The following DNAH14 variants were observed in gnomAD, a reference collection of about 807,000 sequenced individuals.
The protein encoded by DNAH14 is axonemal beta dynein heavy chain 14.
DNAH14 carries 478 observed loss-of-function variants against 520.9 expected under a neutral mutation model. The ratio of observed to expected loss-of-function variants is 0.92; its 90% CI spans 0.85 to 0.99. The LOEUF is 0.99. DNAH14 is among the 50% of genes least tolerant of loss of function. DNAH14 has a pLI of 0.00. For missense variants in DNAH14, 4,831 were observed against 5,234.5 expected (o/e 0.92, Z 2.38); for synonymous variants, 1,581 against 1,757.2 (o/e 0.90, Z 2.51).
intron 79 of DNAH14, 118 bp from the exon 80 acceptor site, chr1:225,380,041 T>C: frequency 9.4e-7 from 1 of 1,062,832 alleles, no homozygotes; most frequent in Non-Finnish European, 1.3e-6. Context: ...CCTACAGTGG[T>C]ATAGAACACT....
At chr1:224,997,691 G>T (rs2063486331) in intron 8 of DNAH14, among the ~76,000 whole-genome samples, 1 of 151,530 alleles carries the variant, frequency 6.6e-6, no homozygotes, top group African/African-American at 2.4e-5. Flanking sequence ...CCTGGAGATT[G>T]CTTCTTTGGA....
At chr1:225,348,394 A>G (rs2095317795) in intron 71 of DNAH14, among the ~76,000 whole-genome samples, 1 of 152,176 alleles carries the variant, frequency 6.6e-6, no homozygotes, top group Non-Finnish European at 1.5e-5. Context: ...CTCCACTAGG[A>G]TAAATCCAAA....
chr1:225,211,910 AT>A (rs1242095119), intron 41 of DNAH14, among the ~76,000 whole-genome samples: 1 of 148,774 alleles, frequency 6.7e-6, no homozygotes, highest in East Asian at 2.0e-4. Flanking sequence ...TTATTTATTT[AT>A]TTATTTTTAT....
chr1:224,933,898 GT>G (rs1388190243), intron 1 of DNAH14, among the ~76,000 whole-genome samples: 2 of 151,606 alleles, frequency 1.3e-5, no homozygotes, highest in African/African-American at 4.8e-5. Context: ...TTTTGTTGTT[GT>G]TGTGTTCTTG....
chr1:225,051,590 C>G lies in DNAH14; in HGVS notation c.2219C>G (p.Ser740Ter). 6.4e-7 allele frequency: 1 copy of G among 1,550,684 alleles called. No homozygotes were observed. Among genetic ancestry groups the G allele is most frequent in the Non-Finnish European group, 8.7e-7 (1 of 1,146,498 alleles). Residue 740 changes from serine to a stop codon, truncating the protein, a stop_gained, in exon 17 of 86, where the codon TCA (serine) becomes TGA (stop). Transcript: ENST00000682510. LOFTEE classifies it high-confidence loss of function. Reference protein sequence around the residue: ...MKISSMGELTSKEFEAILNRF... With the variant: ...MKISSMGELT ...ATATCATCTATGGGAGAATTAACTTCAAAAGAATTTGAAGCTATTCTAAAT... is the reference window on the plus strand; with the variant it reads ...ATATCATCTATGGGAGAATTAACTTGAAAAGAATTTGAAGCTATTCTAAAT...
chr1:225,335,857 A>G (rs1373089177), intron 66 of DNAH14, among the ~76,000 whole-genome samples: 1 of 75,908 alleles, frequency 1.3e-5, no homozygotes, highest in East Asian at 5.0e-4. Context: ...ACATATGTAC[A>G]TATATGTACA....
At chr1:225,183,049 G>A (rs921155205) in intron 36 of DNAH14, among the ~76,000 whole-genome samples, 1 of 147,316 alleles carries the variant, frequency 6.8e-6, no homozygotes, top group Admixed American at 6.8e-5. Context: ...AGGCAGTGCG[G>A]TGTGAAGAGA....
At chr1:225,387,914 G>T (rs1191758389) in intron 81 of DNAH14, among the ~76,000 whole-genome samples, 1 of 152,120 alleles carries the variant, frequency 6.6e-6, no homozygotes, top group Non-Finnish European at 1.5e-5. Flanking sequence ...CAGGGCTGGA[G>T]AATGGAAAGC....
chr1:225,304,154 T>A (rs2094194890), intron 57 of DNAH14, among the ~76,000 whole-genome samples: 1 of 152,212 alleles, frequency 6.6e-6, no homozygotes, highest in South Asian at 2.1e-4. Context: ...GCAGTCTGGT[T>A]TTGCTCATCT....
chr1:224,936,710 C>T (rs912500324), intron 1 of DNAH14, among the ~76,000 whole-genome samples: 9 of 151,850 alleles, frequency 5.9e-5, no homozygotes, highest in Admixed American at 2.0e-4. Context: ...TACTTCCAAC[C>T]TCATCCTACA....
At chr1:225,146,270 T>G (rs1415411924) in intron 30 of DNAH14, among the ~76,000 whole-genome samples, 1 of 152,184 alleles carries the variant, frequency 6.6e-6, no homozygotes, top group Non-Finnish European at 1.5e-5. Flanking sequence ...CAAGATCTGA[T>G]TCCTGCTGCT....
intron 38 of DNAH14, 74 bp from the exon 39 acceptor site, chr1:225,204,109 A>T: frequency 2.7e-6 from 2 of 742,672 alleles, no homozygotes; most frequent in Non-Finnish European, 4.0e-6. Flanking sequence ...AAGAAAGCAT[A>T]TTGACATATA....
At chr1:225,037,704 C>T (rs1331131737) in intron 11 of DNAH14, among the ~76,000 whole-genome samples, 3 of 151,936 alleles carry the variant, frequency 2.0e-5, no homozygotes, top group Admixed American at 6.6e-5. Context: ...TTTTCTGAGA[C>T]GGAGTTTCAC....
chr1:224,942,142 A>G (rs1006285243), intron 1 of DNAH14, among the ~76,000 whole-genome samples: 3 of 152,296 alleles, frequency 2.0e-5, no homozygotes, highest in South Asian at 2.1e-4. Flanking sequence ...ACCCATGAGC[A>G]TGGAATGTTC....
At chr1:225,148,396 C>CTTTT (rs560233312) in intron 31 of DNAH14, among the ~76,000 whole-genome samples, 75 of 96,616 alleles carry the variant, frequency 7.8e-4, no homozygotes, top group Non-Finnish European at 1.1e-3. Context: ...TAATGTTGAG[C>CTTTT]TTTTTTTTTT....
At chr1:225,308,468 A>G (rs2094294757) in intron 60 of DNAH14, 58 bp downstream of exon 60, 2 of 1,469,002 alleles carry the variant, frequency 1.4e-6, no homozygotes, top group Non-Finnish European at 1.8e-6. Flanking sequence ...GTATTCCCTA[A>G]CCTTCAAATT....
At chr1:225,230,868 A>G (rs1004742936) in intron 41 of DNAH14, among the ~76,000 whole-genome samples, 6 of 152,176 alleles carry the variant, frequency 3.9e-5, no homozygotes, top group African/African-American at 1.4e-4. Context: ...ATAAATAAAA[A>G]TCAGTTCTGA....
At chr1:225,389,913 G>C in intron 83 of DNAH14, 40 bp downstream of exon 83, 1 of 1,543,092 alleles carries the variant, frequency 6.5e-7, no homozygotes, top group Non-Finnish European at 8.8e-7. Flanking sequence ...ACCTGGCCCA[G>C]GCAAGTTTGC....
rs1352710820 is a variant in DNAH14, at chr1:225,290,040, G to A, written c.8427G>A (p.Gly2809=). The A allele has an allele frequency of 1.5e-5, 23 of 1,521,166 alleles. No homozygotes were observed. The highest frequency in any genetic ancestry group is 3.5e-4 in the Middle Eastern group (2 of 5,772). 94.2% of individuals were successfully genotyped at this position (1,521,166 alleles called of 1,614,324 possible). The part of the protein sequence containing the change: ...KKVFIHAGLK[G]KPTVLMVPNL... ...TGTTTATTCACGCAGGATTAAAAGG[G>A]AAACCCACTGTTCTGATGGTTCCCA... The change falls in exon 55 of 86, where the codon GGG becomes GGA. Residue 2809 remains glycine (G), a synonymous_variant. Transcript: ENST00000682510.
Sources: allele counts gnomAD v4.1 joint callset (sites outside exome capture counted in the v4.1 genomes callset), GRCh38; gene constraint gnomAD v4.1.1; transcripts MANE v1.5; gene names NCBI Gene and HGNC (gene_info 2026-07-23, HGNC 2026-07-21).